The following CSMD1 variants were observed in gnomAD, a reference collection of about 807,000 sequenced individuals.
The protein encoded by CSMD1 is CUB and sushi domain-containing protein 1.
Under a neutral mutation model 417.5 loss-of-function variants are expected in CSMD1, and 213 were observed. The ratio of observed to expected loss-of-function variants is 0.51; its 90% CI spans 0.46 to 0.57. The LOEUF (loss-of-function observed/expected upper bound fraction) is 0.57, where lower values mean the gene tolerates loss of function less well. CSMD1 is among the 20% of genes least tolerant of loss of function. The pLI is 0.00. For synonymous variants in CSMD1, 2,862 were observed against 1,736.8 expected, an observed-to-expected ratio of 1.65 and a Z score of -16.11; for missense variants, 6,923 against 4,529.7, an observed-to-expected ratio of 1.53 and a Z score of -15.17.
chr8:3,595,191 T>C (rs1307266156), intron 8 of CSMD1, among the ~76,000 whole-genome samples: 1 of 152,118 alleles, frequency 6.6e-6, no homozygotes, highest in South Asian at 2.1e-4. Context: ...AGGGACACGA[T>C]CCTAATAAGC....
chr8:3,992,954 G>A (rs927527773), intron 5 of CSMD1, among the ~76,000 whole-genome samples: 1 of 152,188 alleles, frequency 6.6e-6, no homozygotes, highest in South Asian at 2.1e-4. Flanking sequence ...CAAGTTCATA[G>A]AAACAAAGAA....
At chr8:4,313,734 G>C (rs988072294) in intron 3 of CSMD1, among the ~76,000 whole-genome samples, 12 of 152,184 alleles carry the variant, frequency 7.9e-5, no homozygotes, top group African/African-American at 2.6e-4. Context: ...AGCAGAACTA[G>C]GCCGGGCACA....
intron 5 of CSMD1, among the ~76,000 whole-genome samples, chr8:3,867,296 C>T (rs1303676333): frequency 2.0e-5 from 3 of 152,044 alleles, no homozygotes; most frequent in Non-Finnish European, 4.4e-5. Flanking sequence ...TAAGGAAAAC[C>T]ATGACCAGTC....
chr8:3,220,061 C>G (rs1798111279), intron 28 of CSMD1, among the ~76,000 whole-genome samples: 1 of 148,786 alleles, frequency 6.7e-6, no homozygotes, highest in Non-Finnish European at 1.5e-5. Context: ...TGGATGATCA[C>G]TTGAGGCCAG....
intron 26 of CSMD1, among the ~76,000 whole-genome samples, chr8:3,253,312 G>A (rs543599714): frequency 2.0e-5 from 3 of 152,212 alleles, no homozygotes; most frequent in Admixed American, 6.5e-5. Context: ...GGAGCAGGTC[G>A]TTCAGTTTCC....
chr8:4,419,603 C>G (rs1395341702), intron 3 of CSMD1, among the ~76,000 whole-genome samples: 1 of 152,062 alleles, frequency 6.6e-6, no homozygotes, highest in East Asian at 1.9e-4. Context: ...ATTGTCCAAC[C>G]AAAAATTTAA....
chr8:4,730,673 G>T (rs752854863), intron 1 of CSMD1, among the ~76,000 whole-genome samples: 5 of 151,984 alleles, frequency 3.3e-5, no homozygotes, highest in African/African-American at 4.8e-5. Context: ...CCCGGGAAGC[G>T]GAGCTTGCAG....
intron 25 of CSMD1, among the ~76,000 whole-genome samples, chr8:3,290,575 C>G (rs917483416): frequency 2.0e-5 from 3 of 146,378 alleles, no homozygotes; most frequent in African/African-American, 2.7e-5. Flanking sequence ...GTATTTTGTT[C>G]TCTTTGAAGC....
At chr8:4,990,940 G>A (rs1344474098) in intron 1 of CSMD1, among the ~76,000 whole-genome samples, 3 of 152,128 alleles carry the variant, frequency 2.0e-5, no homozygotes, top group African/African-American at 7.2e-5. Context: ...CTGCTGGGTG[G>A]GTCAGGAAAT....
intron 23 of CSMD1, among the ~76,000 whole-genome samples, chr8:3,314,805 C>G (rs17392287): frequency 0.013 from 2,022 of 152,190 alleles, 43 homozygotes; most frequent in African/African-American, 0.045. Context: ...TTCAAGTATT[C>G]GGATTAGTTC....
chr8:4,011,730 C>T (rs965968564), intron 4 of CSMD1, among the ~76,000 whole-genome samples: 2 of 152,134 alleles, frequency 1.3e-5, no homozygotes, highest in African/African-American at 2.4e-5. Context: ...GAGTTATCAG[C>T]ATACTTTTTT....
chr8:3,077,171 T>G (rs1563313117), intron 49 of CSMD1, among the ~76,000 whole-genome samples: 1 of 152,200 alleles, frequency 6.6e-6, no homozygotes. Context: ...CGTGCAGGGC[T>G]GGGAGTCAGG....
chr8:4,769,293 G>T (rs1796485744), intron 1 of CSMD1, among the ~76,000 whole-genome samples: 1 of 152,114 alleles, frequency 6.6e-6, no homozygotes, highest in African/African-American at 2.4e-5. Context: ...ACACCTGAAG[G>T]AATCTTTCTC....
intron 3 of CSMD1, among the ~76,000 whole-genome samples, chr8:4,038,026 A>C (rs1338556239): frequency 6.6e-6 from 1 of 152,164 alleles, no homozygotes; most frequent in East Asian, 1.9e-4. Flanking sequence ...CTTGGTAAAA[A>C]GTGTAAATAA....
In CSMD1 at chr8:4,615,358, T is replaced by C. The variant is rs77196042; in HGVS notation, c.302+21984A>G. Among the ~76,000 whole-genome samples, 710 of 152,280 alleles carry C rather than the reference T, an allele frequency of 4.7e-3. 2 individuals are homozygous for C. The highest frequency in any genetic ancestry group is 0.017 in the African/African-American group (686 of 41,546). On this transcript the variant is annotated intron_variant, in intron 2 of 69. Transcript: ENST00000635120. ...CTCAGACACCCATAATATACAGCAA[T>C]GGTGTTTCTTCTTATCTTAACATAT...
intron 10 of CSMD1, among the ~76,000 whole-genome samples, chr8:3,499,315 G>A (rs1043878115): frequency 6.6e-6 from 1 of 152,128 alleles, no homozygotes; most frequent in South Asian, 2.1e-4. Flanking sequence ...GTTTGTGGAA[G>A]TGTTGGTTCA....
At chr8:4,554,555 T>A (rs570399860) in intron 2 of CSMD1, among the ~76,000 whole-genome samples, 1 of 152,308 alleles carries the variant, frequency 6.6e-6, no homozygotes, top group East Asian at 1.9e-4. Flanking sequence ...TTGAGTTGTA[T>A]GGAAGTTAAG....
At chr8:4,058,248 A>C (rs1169684163) in intron 3 of CSMD1, among the ~76,000 whole-genome samples, 2 of 152,026 alleles carry the variant, frequency 1.3e-5, no homozygotes, top group Non-Finnish European at 2.9e-5. Flanking sequence ...GAGGTCCTTC[A>C]CATCCCTTGT....
rs539101182 is a variant in CSMD1 at position 4,391,117 on chromosome 8, G to A, written c.415+28836C>T. On this transcript the variant is annotated intron_variant, in intron 3 of 69. Transcript: ENST00000635120. ...ATAAACTGAAGGCAGCCACAAATCT[G>A]TGTTTCTCTAGGGACCCAGATAATG... Among the ~76,000 whole-genome samples, 10 of 152,316 alleles carry A rather than the reference G, an allele frequency of 6.6e-5. No homozygotes were observed. The South Asian group carries it at 1.7e-3, about 25-fold the overall frequency.
Sources: allele counts gnomAD v4.1 joint callset (sites outside exome capture counted in the v4.1 genomes callset), GRCh38; gene constraint gnomAD v4.1.1; transcripts MANE v1.5; gene names NCBI Gene and HGNC (gene_info 2026-07-23, HGNC 2026-07-21).